THADA: variants seen among roughly 807,000 people sequenced by gnomAD.
THADA encodes the protein THADA armadillo repeat containing, also known as tRNA (32-2'-O)-methyltransferase regulator THADA.
THADA carries 213 observed loss-of-function variants against 219.8 expected under a neutral mutation model. The ratio of observed to expected loss-of-function variants is 0.97; its 90% confidence interval spans 0.87 to 1.09. THADA has a LOEUF of 1.09. Ranked by LOEUF, THADA falls within the 50% of genes least tolerant of loss-of-function variation. The pLI, the probability that THADA is intolerant of heterozygous loss-of-function variation, is 0.00. For synonymous variants in THADA, 1,018 were observed against 828.9 expected (o/e 1.23, Z -3.92); for missense variants, 2,956 against 2,311.3 (o/e 1.28, Z -5.72).
intron 7 of THADA, 151 bp downstream of exon 7, chr2:43,586,250 G>A: frequency 3.1e-6 from 2 of 654,932 alleles, no homozygotes; most frequent in South Asian, 2.6e-5. Flanking sequence ...GGGTGACACA[G>A]CAAGACCCCA....
chr2:43,236,723 A>G (rs1157153308), intron 36 of THADA, among the ~76,000 whole-genome samples: 1 of 151,892 alleles, frequency 6.6e-6, no homozygotes, highest in Admixed American at 6.6e-5. Flanking sequence ...AAATTGGAGG[A>G]CTCACACTTC....
chr2:43,319,665 C>G (rs1678467657), intron 31 of THADA, among the ~76,000 whole-genome samples: 1 of 152,184 alleles, frequency 6.6e-6, no homozygotes, highest in African/African-American at 2.4e-5. Context: ...AAGGCCTGGT[C>G]TGCTTGCACT....
chr2:43,401,840 C>G (rs775315413), intron 28 of THADA, among the ~76,000 whole-genome samples: 110 of 152,112 alleles, frequency 7.2e-4, no homozygotes, highest in Non-Finnish European at 1.4e-3. Context: ...TAGCTCACAC[C>G]TGGAAATCAA....
chr2:43,331,984 C>T (rs1346092010), intron 30 of THADA, among the ~76,000 whole-genome samples: 1 of 146,910 alleles, frequency 6.8e-6, no homozygotes, highest in Non-Finnish European at 1.5e-5. Flanking sequence ...TACTAAGATA[C>T]CTTTTGTGTA....
chr2:43,346,713 A>G (rs2104545482), intron 29 of THADA, among the ~76,000 whole-genome samples: 1 of 152,338 alleles, frequency 6.6e-6, no homozygotes, highest in South Asian at 2.1e-4. Context: ...GGCACTGTCC[A>G]AGGGGCTGCA....
chr2:43,378,939 G>A (rs1433759177), intron 29 of THADA, among the ~76,000 whole-genome samples: 1 of 152,120 alleles, frequency 6.6e-6, no homozygotes, highest in Non-Finnish European at 1.5e-5. Context: ...GGAAGTAAGT[G>A]TCAACCTGGA....
intron 22 of THADA, among the ~76,000 whole-genome samples, chr2:43,521,601 T>C (rs901492814): frequency 1.3e-5 from 2 of 152,190 alleles, no homozygotes; most frequent in Non-Finnish European, 2.9e-5. Flanking sequence ...CTATGCTAAG[T>C]GCTATGGCCT....
At chr2:43,451,478 C>T (rs17406646) in intron 26 of THADA, among the ~76,000 whole-genome samples, 10,472 of 152,230 alleles carry the variant, frequency 0.069, 426 homozygotes, top group Non-Finnish European at 0.097. Context: ...GTTTAAAGTC[C>T]ATCTCCTCTC....
intron 32 of THADA, among the ~76,000 whole-genome samples, 158 bp from the exon 33 acceptor site, chr2:43,292,380 G>A (rs1470992639): frequency 6.6e-6 from 1 of 152,190 alleles, no homozygotes; most frequent in Non-Finnish European, 1.5e-5. Context: ...GGAGACTGAG[G>A]CAGAGTGATG....
At chr2:43,400,970 C>G (rs577798284) in intron 28 of THADA, among the ~76,000 whole-genome samples, 1 of 152,034 alleles carries the variant, frequency 6.6e-6, no homozygotes, top group Non-Finnish European at 1.5e-5. Flanking sequence ...AGTCTCAAGC[C>G]CTTCTGAAAT....
At chr2:43,540,294 GC>G (rs1211320788) in intron 21 of THADA, among the ~76,000 whole-genome samples, 5 of 152,174 alleles carry the variant, frequency 3.3e-5, no homozygotes, top group Admixed American at 3.3e-4. Flanking sequence ...TCAAGGCCTT[GC>G]AACATCACAA....
chr2:43,243,021 T>C (rs1312299568), intron 36 of THADA, among the ~76,000 whole-genome samples: 3 of 152,096 alleles, frequency 2.0e-5, no homozygotes, highest in Non-Finnish European at 4.4e-5. Context: ...TACTGGAGGG[T>C]AGAAGTGAGA....
At chr2:43,348,335 G>C (rs1040545451) in intron 29 of THADA, among the ~76,000 whole-genome samples, 6 of 152,204 alleles carry the variant, frequency 3.9e-5, no homozygotes, top group Non-Finnish European at 8.8e-5. Context: ...TGTTACTCTA[G>C]TCACTAAGAC....
intron 36 of THADA, among the ~76,000 whole-genome samples, chr2:43,240,921 G>A (rs1477485802): frequency 2.0e-5 from 3 of 152,204 alleles, no homozygotes; most frequent in Non-Finnish European, 1.5e-5. Flanking sequence ...ACTGGGCCAA[G>A]TGCCAGGGCC....
chr2:43,455,593 T>C (rs547745545), intron 26 of THADA, among the ~76,000 whole-genome samples: 2 of 152,138 alleles, frequency 1.3e-5, no homozygotes, highest in South Asian at 4.1e-4. Context: ...AACAGGAGCA[T>C]ATTAAATGCT....
chr2:43,334,429 C>T (rs1017209564), intron 30 of THADA, among the ~76,000 whole-genome samples: 1 of 152,172 alleles, frequency 6.6e-6, no homozygotes, highest in Non-Finnish European at 1.5e-5. Flanking sequence ...TTTCAACAAA[C>T]ATTAGCTCCC....
intron 29 of THADA, among the ~76,000 whole-genome samples, chr2:43,358,109 T>C (rs1669081556): frequency 6.6e-6 from 1 of 152,106 alleles, no homozygotes; most frequent in East Asian, 1.9e-4. Flanking sequence ...GTCCACTTGG[T>C]GGGGGAGGAC....
intron 26 of THADA, among the ~76,000 whole-genome samples, chr2:43,456,560 C>CTT (rs75641594): frequency 3.4e-5 from 5 of 145,410 alleles, no homozygotes; most frequent in African/African-American, 1.0e-4. Context: ...CTTTTCTTTT[C>CTT]TTTTTTTTTT....
intron 3 of THADA, 77 bp from the exon 4 acceptor site, chr2:43,591,031 G>T: frequency 7.1e-7 from 1 of 1,403,098 alleles, no homozygotes; most frequent in Non-Finnish European, 9.8e-7. Context: ...ACTCTTTGAA[G>T]TCTCAATTGC....
Sources: gnomAD v4.1 joint callset for allele counts (sites outside exome capture counted in the v4.1 genomes callset) on GRCh38, gnomAD v4.1.1 for gene constraint, MANE v1.5 for transcripts, NCBI Gene and HGNC (gene_info 2026-07-23, HGNC 2026-07-21) for gene names.